SOBP: variants seen among roughly 807,000 people sequenced by gnomAD.
SOBP encodes sine oculis binding protein homolog.
SOBP carries 4 observed loss-of-function variants against 53.6 expected under a neutral mutation model. The ratio of observed to expected loss-of-function variants is 0.07; its 90% CI spans 0.04 to 0.17. SOBP has a LOEUF of 0.17. Among genes scored for constraint, SOBP ranks in the 10% least tolerant of loss-of-function variants. SOBP has a pLI of 1.00. For missense variants in SOBP, 1,088 were observed against 1,204.7 expected (o/e 0.90, Z 1.43); for synonymous variants, 584 against 522.6 (o/e 1.12, Z -1.60).
intron 5 of SOBP, among the ~76,000 whole-genome samples, chr6:107,625,160 A>G (rs371672497): frequency 1.3e-5 from 2 of 152,206 alleles, no homozygotes; most frequent in Non-Finnish European, 2.9e-5. Context: ...AAAGCTACCT[A>G]TTGTTACTAG....
chr6:107,572,212 A>G (rs1785092865), intron 4 of SOBP, among the ~76,000 whole-genome samples: 1 of 152,230 alleles, frequency 6.6e-6, no homozygotes, highest in African/African-American at 2.4e-5. Flanking sequence ...GAATTCTAAA[A>G]TGAAGGAGGA....
intron 3 of SOBP, among the ~76,000 whole-genome samples, chr6:107,529,015 G>A (rs980896378): frequency 1.6e-4 from 25 of 152,270 alleles, no homozygotes; most frequent in African/African-American, 4.3e-4. Context: ...GAAATGAGCC[G>A]TGCATTGTGC....
intron 5 of SOBP, among the ~76,000 whole-genome samples, chr6:107,596,977 C>G (rs951855887): frequency 6.6e-6 from 1 of 152,148 alleles, no homozygotes; most frequent in Non-Finnish European, 1.5e-5. Context: ...CAGACTTAAC[C>G]ATGTGAAGTA....
At chr6:107,606,534 A>G (rs950218273) in intron 5 of SOBP, among the ~76,000 whole-genome samples, 1 of 152,100 alleles carries the variant, frequency 6.6e-6, no homozygotes, top group Non-Finnish European at 1.5e-5. Flanking sequence ...CTGCTTCTAG[A>G]TATTTGATGT....
At chr6:107,557,222 T>C (rs762593061) in intron 4 of SOBP, among the ~76,000 whole-genome samples, 5 of 152,108 alleles carry the variant, frequency 3.3e-5, no homozygotes, top group Non-Finnish European at 7.4e-5. Flanking sequence ...TTTTAGAGAT[T>C]TTTTTCCTTT....
chr6:107,595,876 G>T (rs756165105), intron 5 of SOBP, among the ~76,000 whole-genome samples: 1 of 152,156 alleles, frequency 6.6e-6, no homozygotes, highest in South Asian at 2.1e-4. Context: ...AGCAGCCCAG[G>T]TTAAGCTTCA....
chr6:107,580,831 G>A (rs568113296), intron 4 of SOBP, among the ~76,000 whole-genome samples: 18 of 152,270 alleles, frequency 1.2e-4, no homozygotes, highest in African/African-American at 1.9e-4. Flanking sequence ...GAAGTGCATC[G>A]AATAGTTGGT....
chr6:107,553,398 G>A (rs533547207), intron 4 of SOBP, among the ~76,000 whole-genome samples: 4 of 151,030 alleles, frequency 2.6e-5, no homozygotes, highest in East Asian at 3.9e-4. Context: ...GCACGATCTC[G>A]GCTCACTGCA....
intron 2 of SOBP, among the ~76,000 whole-genome samples, chr6:107,504,426 GAATTAAC>G (rs1321753246): frequency 6.6e-6 from 1 of 152,162 alleles, no homozygotes. Context: ...TGGCAGAGCT[GAATTAAC>G]ACTGATTCTA....
At chr6:107,506,544 A>G in intron 3 of SOBP, 117 bp downstream of exon 3, 1 of 1,139,998 alleles carries the variant, frequency 8.8e-7, no homozygotes, top group East Asian at 2.4e-5. Context: ...TAGGGACCTT[A>G]TAGGTAAGAA....
intron 1 of SOBP, among the ~76,000 whole-genome samples, chr6:107,494,891 T>C (rs925437094): frequency 2.0e-5 from 3 of 152,172 alleles, no homozygotes; most frequent in African/African-American, 7.2e-5. Context: ...ATAACCTGTG[T>C]CAATTGCACA....
At chr6:107,497,819 CA>C (rs1219883592) in intron 1 of SOBP, among the ~76,000 whole-genome samples, 1 of 152,128 alleles carries the variant, frequency 6.6e-6, no homozygotes, top group Non-Finnish European at 1.5e-5. Context: ...CTGAAACATG[CA>C]TATTTCCATA....
chr6:107,621,208 C>T lies in SOBP; in HGVS notation c.670-12306C>T, dbSNP rs894727809. 153 of 627,044 alleles carry T rather than the reference C, an allele frequency of 2.4e-4. No individual in the cohort carries two copies. The African/African-American group carries it at 2.8e-3, about 12-fold the overall frequency. The allele number at this position is 627,044 out of a possible 1,614,324, so 38.8% of individuals were successfully genotyped here. A position where few individuals can be genotyped will look rare whatever the true frequency, so the allele number is the denominator to read the frequency against. ...TATATATGAATACCTATCTGTGTCC[C>T]GGGTTGTCTTGGTTCACACCATTTA... On this transcript the variant is annotated intron_variant, in intron 5 of 6. Transcript: ENST00000317357.
In SOBP at chr6:107,634,232, C is replaced by T; in HGVS notation, c.1388C>T (p.Pro463Leu). 1 of 1,588,066 alleles carries T rather than the reference C, an allele frequency of 6.3e-7. No individual in the cohort carries two copies. Among genetic ancestry groups the T allele is most frequent in the South Asian group, 1.1e-5 (1 of 90,024 alleles). Residue 463 changes from proline (P) to leucine (L), a missense_variant, in exon 6 of 7, where the codon CCG becomes CTG. This residue lies in a region of SOBP where 665 missense variants were observed against 629.7 expected (regional missense o/e 1.06). Coordinates refer to ENST00000317357, the MANE Select transcript of SOBP (RefSeq NM_018013.4). This position sits in a 1 kb window ranked among gnomAD's most constrained non-coding sequence, Gnocchi z 4.5. ...ATGCTATCGCCCCACATCCACCCCC[C>T]GAGCACCCCCACCATGCCCGGGAAC... is the stretch of plus-strand genomic sequence containing the variant. ...RPMLSPHIHP[P>L]STPTMPGNPP...
At chr6:107,503,549 G>A (rs1782897670) in intron 1 of SOBP, 108 bp from the exon 2 acceptor site, 2 of 1,226,832 alleles carry the variant, frequency 1.6e-6, no homozygotes, top group South Asian at 1.2e-5. Context: ...GGGGAAGTGA[G>A]GCAGGGCTGC....
intron 4 of SOBP, among the ~76,000 whole-genome samples, chr6:107,577,846 G>T (rs564518622): frequency 6.6e-6 from 1 of 152,186 alleles, no homozygotes; most frequent in East Asian, 1.9e-4. Flanking sequence ...GGCCGAGGCA[G>T]GTGGATCACG....
intron 5 of SOBP, among the ~76,000 whole-genome samples, chr6:107,624,487 G>A (rs1770369385): frequency 6.6e-6 from 1 of 152,222 alleles, no homozygotes; most frequent in Non-Finnish European, 1.5e-5. Flanking sequence ...CTGAGATTTG[G>A]AAGAGGAGTT....
chr6:107,600,296 C>T (rs997773466), intron 5 of SOBP, among the ~76,000 whole-genome samples: 1 of 152,172 alleles, frequency 6.6e-6, no homozygotes, highest in African/African-American at 2.4e-5. Context: ...TTACGTGCCG[C>T]GCCTGGTCAA....
At chr6:107,580,283 A>G (rs1785361970) in intron 4 of SOBP, among the ~76,000 whole-genome samples, 1 of 152,238 alleles carries the variant, frequency 6.6e-6, no homozygotes, top group African/African-American at 2.4e-5. Context: ...TTTGAGAACC[A>G]TGCAACTCTC....
Sources: allele counts gnomAD v4.1 joint callset (sites outside exome capture counted in the v4.1 genomes callset), GRCh38; gene constraint gnomAD v4.1.1; regional missense constraint gnomAD v4.1.1; non-coding constraint Gnocchi (gnomAD v3.1); transcripts MANE v1.5; gene names NCBI Gene and HGNC (gene_info 2026-07-23, HGNC 2026-07-21).